Variants in WAS observed in about 807,000 individuals in gnomAD.
WAS encodes the protein WASP actin nucleation promoting factor.
A neutral mutation model predicts 38.9 loss-of-function variants in WAS; 1 was observed. The ratio of observed to expected loss-of-function variants is 0.03; its 90% CI spans 0.01 to 0.12. The LOEUF (loss-of-function observed/expected upper bound fraction) is 0.12, where lower values mean the gene tolerates loss of function less well. Among genes scored for constraint, WAS ranks in the 10% least tolerant of loss-of-function variants. WAS has a pLI of 1.00. For missense variants in WAS, 311 were observed against 431.2 expected (o/e 0.72, Z 2.47); for synonymous variants, 182 against 173.6 (o/e 1.05, Z -0.38).
chrX:48,689,527 G>A, intron 11 of WAS, 93 bp downstream of exon 11: 1 of 752,756 alleles, frequency 1.3e-6, no homozygotes, highest in South Asian at 2.3e-5. Flanking sequence ...AGTGACATCA[G>A]CCCCATCTGT....
chrX:48,679,937 C>T (rs1422677855), upstream of WAS, among the ~76,000 whole-genome samples: 1 of 112,330 alleles, frequency 8.9e-6, no homozygotes, highest in Non-Finnish European at 1.9e-5. Flanking sequence ...AAAACCCTCT[C>T]TTGGGTCTGG....
intron 7 of WAS, 30 bp from the exon 8 acceptor site, chrX:48,688,024 G>T (rs1557006967): frequency 8.4e-7 from 1 of 1,196,939 alleles, no homozygotes. Context: ...GGGCAGTGAG[G>T]ATTCACTGGA....
intron 7 of WAS, among the ~76,000 whole-genome samples, chrX:48,687,752 C>A (rs1274124508): frequency 9.0e-6 from 1 of 110,592 alleles, no homozygotes; most frequent in Non-Finnish European, 1.9e-5. Flanking sequence ...CATATGTGGG[C>A]AGATAGTTGC....
intron 7 of WAS, among the ~76,000 whole-genome samples, chrX:48,687,336 A>C (rs1158570961): frequency 8.1e-5 from 9 of 111,459 alleles, no homozygotes; most frequent in African/African-American, 2.9e-4. Flanking sequence ...TAGATGATGG[A>C]TGAGAAGGGC....
Position 48,684,364 on chromosome X carries a change from G to C in WAS, c.214G>C (p.Val72Leu). 1 of 1,211,658 alleles carries C rather than the reference G, an allele frequency of 8.3e-7. No individual in the cohort carries two copies. The highest frequency in any genetic ancestry group is 1.1e-6 in the Non-Finnish European group (1 of 895,496). Reference protein sequence around the residue: ...EHWTKEHCGAVCFVKDNPQKS... With the variant: ...EHWTKEHCGALCFVKDNPQKS... ...CTGGACCAAGGAGCATTGTGGGGCT[G>C]TGTGCTTCGTGAAGGATAACCCCCA... Residue 72 changes from valine to leucine, a missense_variant, in exon 2 of 12, where the codon GTG becomes CTG. By Grantham distance (32) the Val-to-Leu change is conservative (BLOSUM62 1). Transcript: ENST00000376701.
upstream of WAS, among the ~76,000 whole-genome samples, chrX:48,682,683 G>A (rs781887004): frequency 3.6e-5 from 4 of 110,668 alleles, no homozygotes; most frequent in African/African-American, 1.3e-4. Context: ...TCACGAGGTC[G>A]AGAAATCGAG....
At chrX:48,687,311 G>T (rs1455367104) in intron 7 of WAS, among the ~76,000 whole-genome samples, 1 of 111,625 alleles carries the variant, frequency 9.0e-6, no homozygotes, top group Middle Eastern at 4.2e-3. Context: ...TGAACAAATG[G>T]ATAGATAGAT....
intron 11 of WAS, 44 bp from the exon 12 acceptor site, chrX:48,691,063 C>A: frequency 8.4e-7 from 1 of 1,185,753 alleles, no homozygotes; most frequent in Non-Finnish European, 1.1e-6. Flanking sequence ...TATGAAGCCC[C>A]CCACCAACCT....
In WAS at chrX:48,685,473, T is replaced by C. The variant is rs986089733; in HGVS notation, c.274-74T>C. ...TCCCAAATCCAGACACCCTGCTCCC[T>C]GCCCAGCTAACAAAAGCCTGCCACC... On this transcript the variant is annotated intron_variant, in intron 2 of 11. Transcript: ENST00000376701. 36 of 791,169 alleles carry C rather than the reference T, an allele frequency of 4.6e-5. No individual in the cohort carries two copies. In the African/African-American group the frequency reaches 7.4e-4, roughly 16 times the overall value. The allele number at this position is 791,169 out of a possible 1,213,427, so 65.2% of individuals were successfully genotyped here. A position where few individuals can be genotyped will look rare whatever the true frequency, so the allele number is the denominator to read the frequency against.
chrX:48,689,448 G>T lies in WAS; in HGVS notation c.1453+14G>T. ...TCCACTCCTCCGGTGAGCTGATCCTGCCGGGGCCTCAAACCTGGCTCCCAG... is the reference window on the plus strand; with the variant it reads ...TCCACTCCTCCGGTGAGCTGATCCTTCCGGGGCCTCAAACCTGGCTCCCAG... On this transcript the variant is annotated intron_variant, in intron 11 of 11. Transcript: ENST00000376701. 3 of 1,192,331 alleles carry T rather than the reference G, an allele frequency of 2.5e-6. No individual in the cohort carries two copies. The South Asian group carries it at 5.5e-5, about 22-fold the overall frequency.
upstream of WAS, among the ~76,000 whole-genome samples, chrX:48,681,476 C>T (rs2062400401): frequency 8.9e-6 from 1 of 112,508 alleles, no homozygotes; most frequent in Admixed American, 9.4e-5. Context: ...GCCAGTAGTG[C>T]TTACTTTGTG....
upstream of WAS, among the ~76,000 whole-genome samples, chrX:48,681,359 CG>C (rs1248700398): frequency 9.0e-6 from 1 of 111,126 alleles, no homozygotes; most frequent in Non-Finnish European, 1.9e-5. Context: ...TTAGTAGAGA[CG>C]GGGTTTCATC....
chrX:48,686,663 T>C, intron 6 of WAS, 118 bp from the exon 7 acceptor site: 1 of 881,768 alleles, frequency 1.1e-6, no homozygotes, highest in African/African-American at 2.0e-5. Context: ...CTTCACCCAC[T>C]ACCTCCATGA....
At chrX:48,681,169 G>A (rs1234590979), upstream of WAS, among the ~76,000 whole-genome samples, 2 of 110,969 alleles carry the variant, frequency 1.8e-5, no homozygotes, top group Non-Finnish European at 3.8e-5. Flanking sequence ...TAGTGCTTAC[G>A]TTTTTTGTGT....
At position 48,686,814 on chromosome X, in the gene WAS, C is replaced by G. The variant is rs200261212; in HGVS notation, c.593C>G (p.Ala198Gly). The change falls in exon 7 of 12, where the codon GCG (alanine) becomes GGG (glycine). Residue 198 changes from alanine (A) to glycine (G), a missense_variant. Around this residue, in one of 4 missense-constraint regions of WAS, gnomAD observed 74 missense variants for 131.2 expected, o/e 0.56. Transcript: ENST00000376701. ...GTGGGTCCGCTCTCCCTGGGGCTGGCGACAGTGGACATCCAGAACCCTGAC... is the reference window on the plus strand; with the variant it reads ...GTGGGTCCGCTCTCCCTGGGGCTGGGGACAGTGGACATCCAGAACCCTGAC... ...PPVGPLSLGL[A>G]TVDIQNPDIT... 2.5e-6 allele frequency: 3 copies of G among 1,211,627 alleles called. No individual in the cohort carries two copies. The highest frequency in any genetic ancestry group is 1.8e-5 in the South Asian group (1 of 57,009).
upstream of WAS, chrX:48,683,752 G>T (rs1460922938): frequency 3.9e-5 from 43 of 1,113,828 alleles, no homozygotes; most frequent in Non-Finnish European, 4.8e-6. Context: ...CTTGTCCCTT[G>T]TGGTTTTTTG....
intron 7 of WAS, 98 bp from the exon 8 acceptor site, chrX:48,687,956 C>T (rs2062425415): frequency 2.2e-6 from 2 of 917,404 alleles, no homozygotes; most frequent in African/African-American, 2.0e-5. Flanking sequence ...TCTGGCCCCT[C>T]AGAGTCTCTT....
At chrX:48,689,171 C>T (rs2062431771) in intron 10 of WAS, 105 bp downstream of exon 10, 1 of 990,170 alleles carries the variant, frequency 1.0e-6, no homozygotes, top group African/African-American at 1.9e-5. Flanking sequence ...AGTGCCAGGC[C>T]TTAGGGATTC....
At position 48,683,975 on chromosome X, in the gene WAS, G is replaced by A; in HGVS notation, c.122G>A (p.Arg41Gln). 8.3e-7 allele frequency: 1 copy of A among 1,211,060 alleles called. No homozygotes were observed. Among genetic ancestry groups the A allele is most frequent in the Non-Finnish European group, 1.1e-6 (1 of 895,299 alleles). Residue 41 changes from arginine to glutamine, a missense_variant, in exon 1 of 12, where the codon CGA (arginine) becomes CAA (glutamine). Physicochemically the swap from Arg to Gln is conservative, Grantham distance 43. Around this residue, in one of 4 missense-constraint regions of WAS, gnomAD observed 64 missense variants for 122.5 expected, o/e 0.52. Transcript: ENST00000376701. ...CAGCGACTCTTTGAGATGCTTGGACGAAAATGCTTGGTGAGCTGGGGATCT... is the reference window on the plus strand; with the variant it reads ...CAGCGACTCTTTGAGATGCTTGGACAAAAATGCTTGGTGAGCTGGGGATCT... ...ENQRLFEMLGRKCLTLATAVV... is the reference protein window; with the variant it reads ...ENQRLFEMLGQKCLTLATAVV...
Sources: allele counts gnomAD v4.1 joint callset (sites outside exome capture counted in the v4.1 genomes callset), GRCh38; gene constraint gnomAD v4.1.1; regional missense constraint gnomAD v4.1.1; transcripts MANE v1.5; gene names NCBI Gene and HGNC (gene_info 2026-07-23, HGNC 2026-07-21).